Variants in ROBO2 observed in about 807,000 individuals in gnomAD.
The protein encoded by ROBO2 is roundabout homolog 2.
A neutral mutation model predicts 160.8 loss-of-function variants in ROBO2; 53 were observed. The observed-to-expected ratio is 0.33, with a 90% CI of 0.26 to 0.41. The LOEUF is 0.41. Ranked by LOEUF, ROBO2 falls within the 10% of genes least tolerant of loss-of-function variation. The probability of loss-of-function intolerance (pLI) is 1.00; values close to 1 mark genes in which losing one functional copy is unlikely to be tolerated. For synonymous variants in ROBO2, 664 were observed against 611.7 expected (o/e 1.09, Z -1.26); for missense variants, 1,577 against 1,722.4 (o/e 0.92, Z 1.49).
chr3:76,674,215 C>T (rs1056858018), intron 2 of ROBO2, among the ~76,000 whole-genome samples: 1 of 152,062 alleles, frequency 6.6e-6, no homozygotes, highest in Non-Finnish European at 1.5e-5. Context: ...TAAATCCATT[C>T]CATTATCTTT....
chr3:76,612,765 G>A (rs1238446081), intron 2 of ROBO2, among the ~76,000 whole-genome samples: 1 of 152,072 alleles, frequency 6.6e-6, no homozygotes, highest in African/African-American at 2.4e-5. Context: ...TTCTGTGTTG[G>A]ACGAATACAT....
intron 24 of ROBO2, 108 bp from the exon 27 acceptor site, chr3:77,644,596 G>T: frequency 4.2e-6 from 4 of 960,046 alleles, no homozygotes; most frequent in Non-Finnish European, 4.9e-6. Context: ...TTTTATTAAA[G>T]AATGAAATGG....
intron 1 of ROBO2, among the ~76,000 whole-genome samples, chr3:77,096,939 A>G (rs570622082): frequency 1.3e-5 from 2 of 151,838 alleles, no homozygotes; most frequent in East Asian, 3.9e-4. Context: ...GGTTCTTTTT[A>G]TTTTTCTCTT....
chr3:76,775,741 TA>T (rs1274240813), intron 2 of ROBO2, among the ~76,000 whole-genome samples: 3 of 72,222 alleles, frequency 4.2e-5, no homozygotes, highest in Non-Finnish European at 8.6e-5. Flanking sequence ...ACATCGATGT[TA>T]TTTAATTGTT....
At chr3:76,645,263 T>C (rs2109782407) in intron 2 of ROBO2, among the ~76,000 whole-genome samples, 1 of 152,342 alleles carries the variant, frequency 6.6e-6, no homozygotes, top group South Asian at 2.1e-4. Context: ...TCAAAAAGCT[T>C]GTACTTCCCA....
At position 76,601,928 on chromosome 3, in the gene ROBO2, C is replaced by T. The variant is rs116203688; in HGVS notation, c.110-496086C>T. Among the ~76,000 whole-genome samples the T allele has an allele frequency of 8.4e-3, 1,281 of 152,310 alleles. 3 individuals are homozygous for T. Among genetic ancestry groups the T allele is most frequent in the Non-Finnish European group, 0.013 (918 of 68,026 alleles). On this transcript the variant is annotated intron_variant, in intron 2 of 26. Coordinates refer to the ROBO2 transcript ENST00000487694. Reference sequence around the variant, plus strand: ...ATAAATCTAAATGCCTTTAACAGCACCCAAGTCATCTGTTGAATGCTTGGC... The same window carrying T: ...ATAAATCTAAATGCCTTTAACAGCATCCAAGTCATCTGTTGAATGCTTGGC...
intron 2 of ROBO2, among the ~76,000 whole-genome samples, chr3:76,979,500 A>T (rs538169387): frequency 6.6e-6 from 1 of 151,966 alleles, no homozygotes; most frequent in Non-Finnish European, 1.5e-5. Flanking sequence ...TTTTACTTAA[A>T]ATAATGGCCG....
intron 2 of ROBO2, among the ~76,000 whole-genome samples, chr3:75,943,925 T>C (rs1421073501): frequency 6.6e-6 from 1 of 152,088 alleles, no homozygotes; most frequent in Non-Finnish European, 1.5e-5. Flanking sequence ...AGTCTCAAAC[T>C]CCTGACTTCA....
At chr3:76,834,641 C>T (rs927279837) in intron 2 of ROBO2, among the ~76,000 whole-genome samples, 5 of 152,240 alleles carry the variant, frequency 3.3e-5, no homozygotes, top group African/African-American at 1.2e-4. Flanking sequence ...ACTGGAATTA[C>T]AGGCATGAGC....
chr3:76,002,437 T>A (rs981605085), intron 2 of ROBO2, among the ~76,000 whole-genome samples: 1 of 152,104 alleles, frequency 6.6e-6, no homozygotes, highest in Admixed American at 6.6e-5. Flanking sequence ...GTAACTCCCA[T>A]GTGTTGTGGG....
chr3:76,070,589 T>G (rs2068419357), intron 2 of ROBO2, among the ~76,000 whole-genome samples: 1 of 152,314 alleles, frequency 6.6e-6, no homozygotes. Context: ...CCTTGTGATA[T>G]TCTATTACCT....
At chr3:76,959,695 T>C (rs1245316526) in intron 2 of ROBO2, among the ~76,000 whole-genome samples, 1 of 152,198 alleles carries the variant, frequency 6.6e-6, no homozygotes, top group Non-Finnish European at 1.5e-5. Flanking sequence ...TTGTTACTCA[T>C]ATCCTAGATT....
chr3:76,565,408 A>G (rs1056049952), intron 2 of ROBO2, among the ~76,000 whole-genome samples: 1 of 152,240 alleles, frequency 6.6e-6, no homozygotes, highest in South Asian at 2.1e-4. Context: ...GAACAGTTTC[A>G]TAAACATTTA....
intron 2 of ROBO2, among the ~76,000 whole-genome samples, chr3:76,534,534 C>T (rs2082392553): frequency 6.6e-6 from 1 of 152,046 alleles, no homozygotes; most frequent in Non-Finnish European, 1.5e-5. Context: ...AGATCCTATG[C>T]AGGAGAGATA....
intron 2 of ROBO2, among the ~76,000 whole-genome samples, chr3:77,013,337 G>A (rs376784059): frequency 6.6e-6 from 1 of 152,038 alleles, no homozygotes; most frequent in South Asian, 2.1e-4. Context: ...TTTTCCCATT[G>A]AGTTGGGTTT....
intron 2 of ROBO2, among the ~76,000 whole-genome samples, chr3:77,449,576 T>C (rs1362358921): frequency 1.3e-5 from 2 of 152,034 alleles, no homozygotes; most frequent in Admixed American, 6.6e-5. Context: ...GTGTTTCCAT[T>C]AGAGTTCACT....
At chr3:76,911,552 C>A (rs2075993082) in intron 2 of ROBO2, among the ~76,000 whole-genome samples, 1 of 152,108 alleles carries the variant, frequency 6.6e-6, no homozygotes, top group African/African-American at 2.4e-5. Context: ...CTTTGATGTA[C>A]CCAATCATGT....
At chr3:77,134,728 A>C (rs1168615904) in intron 2 of ROBO2, among the ~76,000 whole-genome samples, 1 of 152,212 alleles carries the variant, frequency 6.6e-6, no homozygotes, top group Non-Finnish European at 1.5e-5. Flanking sequence ...TAAGATAATA[A>C]TTTAATAAGA....
chr3:77,184,689 A>G (rs879410995), intron 2 of ROBO2, among the ~76,000 whole-genome samples: 2 of 152,080 alleles, frequency 1.3e-5, no homozygotes, highest in Non-Finnish European at 2.9e-5. Context: ...TTTAAAGAAA[A>G]CATTGAAATA....
Sources: allele counts gnomAD v4.1 joint callset (sites outside exome capture counted in the v4.1 genomes callset), GRCh38; gene constraint gnomAD v4.1.1; transcripts MANE v1.5; gene names NCBI Gene and HGNC (gene_info 2026-07-23, HGNC 2026-07-21).